Variants in TRMT44 observed in about 807,000 individuals in gnomAD.
TRMT44 encodes tRNA methyltransferase 44 homolog.
Under a neutral mutation model 77.3 loss-of-function variants are expected in TRMT44, and 78 were observed. That is an observed-to-expected ratio of 1.01 (90% CI 0.84 to 1.22). The LOEUF (loss-of-function observed/expected upper bound fraction) is 1.22, where lower values mean the gene tolerates loss of function less well. Ranked by LOEUF, TRMT44 falls within the 50% of genes most tolerant of loss-of-function variation. The probability of loss-of-function intolerance (pLI) is 0.00; values close to 1 mark genes in which losing one functional copy is unlikely to be tolerated. For missense variants in TRMT44, 1,090 were observed against 964.4 expected (o/e 1.13, Z -1.73); for synonymous variants, 391 against 383.3 (o/e 1.02, Z -0.23).
chr4:8,441,990 G>T (rs1724749354), intron 1 of TRMT44, among the ~76,000 whole-genome samples: 1 of 152,234 alleles, frequency 6.6e-6, no homozygotes, highest in East Asian at 1.9e-4. Flanking sequence ...CGGTTTAAAT[G>T]AATCTCCTTT....
intron 6 of TRMT44, among the ~76,000 whole-genome samples, chr4:8,462,886 A>C (rs542874343): frequency 3.9e-5 from 6 of 152,222 alleles, no homozygotes; most frequent in Non-Finnish European, 7.3e-5. Flanking sequence ...ATCTAGAATG[A>C]GTGGGAATCA....
At chr4:8,484,253 G>T (rs1046109660) in intron 2 of TRMT44, among the ~76,000 whole-genome samples, 1 of 152,162 alleles carries the variant, frequency 6.6e-6, no homozygotes, top group Admixed American at 6.5e-5. Context: ...GTCATGAGGG[G>T]CAGGTGTGGT....
In TRMT44 at chr4:8,476,104, C is replaced by T; in HGVS notation, c.*103C>T. ...GTCTCTGCTCTGGCTGTGTTTCAGC[C>T]CACCTCCTCCCAGCTTTCTCCACAT... On this transcript the variant is annotated 3_prime_UTR_variant, in exon 11 of 11. Coordinates refer to ENST00000389737, the MANE Select transcript of TRMT44 (RefSeq NM_152544.3). 1.0e-6 allele frequency: 1 copy of T among 1,004,706 alleles called. No homozygotes were observed. Among genetic ancestry groups the T allele is most frequent in the Non-Finnish European group, 1.5e-6 (1 of 676,038 alleles). The allele number at this position is 1,004,706 out of a possible 1,614,324, so 62.2% of individuals were successfully genotyped here.
intron 6 of TRMT44, among the ~76,000 whole-genome samples, chr4:8,463,084 T>G (rs1726272151): frequency 6.6e-6 from 1 of 152,226 alleles, no homozygotes; most frequent in African/African-American, 2.4e-5. Context: ...GTGTTATAGT[T>G]TTGCTGTTAG....
chr4:8,468,443 GTGACTACACACTT>G (rs1318464864), intron 9 of TRMT44, 97 bp downstream of exon 9: 105 of 1,257,642 alleles, frequency 8.3e-5, no homozygotes, highest in Non-Finnish European at 1.2e-4. Flanking sequence ...GTGTGGCCCT[GTGACTACACACTT>G]TGAAAAAGCC....
chr4:8,514,578 C>T, the TRMT44 span, among the ~76,000 whole-genome samples: 2 of 151,994 alleles, frequency 1.3e-5, no homozygotes, highest in Non-Finnish European at 2.9e-5. Context: ...CGTGCACTAC[C>T]TTTTACTCAA....
chr4:8,475,081 C>T (rs940628872), intron 10 of TRMT44, among the ~76,000 whole-genome samples: 9 of 152,218 alleles, frequency 5.9e-5, no homozygotes, highest in Non-Finnish European at 1.3e-4. Flanking sequence ...TGTTACTCCA[C>T]ACTTGCACCT....
At position 8,471,220 on chromosome 4, in the gene TRMT44, C is replaced by G; in HGVS notation, c.2044+20C>G. 1.4e-6 allele frequency: 2 copies of G among 1,476,496 alleles called. No individual in the cohort carries two copies. Among genetic ancestry groups the G allele is most frequent in the South Asian group, 1.2e-5 (1 of 81,292 alleles). 91.5% of individuals were successfully genotyped at this position (1,476,496 alleles called of 1,614,324 possible). A position where few individuals can be genotyped will look rare whatever the true frequency, so the allele number is the denominator to read the frequency against. On this transcript the variant is annotated intron_variant, in intron 10 of 10. Transcript: ENST00000389737. ...TCCAAGGTACGGAGTCCGCCTCTCC[C>G]CCGCCGTTCTTTCCTTCTTTTTCCC...
rs770799842 is a variant in TRMT44 at position 8,441,346 on chromosome 4, C to T, written c.524C>T (p.Ala175Val). Residue 175 changes from alanine (A) to valine (V), a missense_variant, in exon 1 of 11, where the codon GCG becomes GTG. Ala to Val is a moderately conservative substitution (Grantham distance 64). Coordinates refer to ENST00000389737, the MANE Select transcript of TRMT44 (RefSeq NM_152544.3). The stretch of plus-strand genomic sequence containing the variant: ...TCCGGGGCGGGATCGCAGCCAGAGG[C>T]GCAGCGTGAGCTCGACGTGGTTCTC... ...TSSGAGSQPEAQRELDVVLRT... is the reference protein window; with the variant it reads ...TSSGAGSQPEVQRELDVVLRT... 6.5e-7 allele frequency: 1 copy of T among 1,535,094 alleles called. No homozygotes were observed. The highest frequency in any genetic ancestry group is 8.7e-7 in the Non-Finnish European group (1 of 1,146,354).
At chr4:8,467,878 C>G (rs781100187) in intron 8 of TRMT44, 36 bp from the exon 9 acceptor site, 2 of 1,550,998 alleles carry the variant, frequency 1.3e-6, no homozygotes, top group Non-Finnish European at 1.7e-6. Context: ...ATAGACTAGC[C>G]AGCTAAAATA....
chr4:8,513,761 C>A, the TRMT44 span, among the ~76,000 whole-genome samples: 1 of 152,152 alleles, frequency 6.6e-6, no homozygotes, highest in East Asian at 1.9e-4. Flanking sequence ...ATATTCAGAT[C>A]ATCAATAAAC....
chr4:8,475,067 C>A (rs1165595652), intron 10 of TRMT44, among the ~76,000 whole-genome samples: 3 of 152,206 alleles, frequency 2.0e-5, no homozygotes, highest in African/African-American at 7.2e-5. Flanking sequence ...AGCTCATTGG[C>A]CTCTGTTACT....
At chr4:8,475,526 G>A (rs979880266) in intron 10 of TRMT44, among the ~76,000 whole-genome samples, 2 of 152,154 alleles carry the variant, frequency 1.3e-5, no homozygotes, top group Admixed American at 6.5e-5. Flanking sequence ...CTGGGTCTGC[G>A]CAGGGCTGCC....
chr4:8,480,483 G>A (rs577719960), downstream of TRMT44, among the ~76,000 whole-genome samples: 83 of 152,328 alleles, frequency 5.4e-4, no homozygotes, highest in Non-Finnish European at 1.0e-3. Context: ...ATGTTTGCCT[G>A]AGGCTGCTTC....
Position 8,465,452 on chromosome 4 carries a change from A to T in TRMT44, c.1385A>T (p.Gln462Leu), listed in dbSNP as rs1726471172. Residue 462 changes from glutamine (Q) to leucine (L), a missense_variant, in exon 8 of 11, where the codon CAG becomes CTG. Coordinates refer to ENST00000389737, the MANE Select transcript of TRMT44 (RefSeq NM_152544.3). Reference sequence around the variant, plus strand: ...TTCATTGGAAGATACTCCCGGAGGCAGAGTAAGAAGACTCAGTACCGGGAA... The same window carrying T: ...TTCATTGGAAGATACTCCCGGAGGCTGAGTAAGAAGACTCAGTACCGGGAA... ...FDFIGRYSRR[Q>L]SKKTQYREYL... The T allele has an allele frequency of 6.2e-7, 1 of 1,614,182 alleles. No individual in the cohort carries two copies. Among genetic ancestry groups the T allele is most frequent in the Non-Finnish European group, 8.5e-7 (1 of 1,180,008 alleles).
chr4:8,441,200 C>A lies in TRMT44; in HGVS notation c.378C>A (p.His126Gln). The change falls in exon 1 of 11, where the codon CAC (histidine) becomes CAA (glutamine). Residue 126 changes from histidine (H) to glutamine (Q), a missense_variant. Coordinates refer to ENST00000389737, the MANE Select transcript of TRMT44 (RefSeq NM_152544.3). The stretch of plus-strand genomic sequence containing the variant: ...CAGTGCCCCTGAGGGACTCCGGGCA[C>A]CCCGGCCATGCTGAAGGAAGGGAGG... ...AASVPLRDSGHPGHAEGREGD... is the reference protein window; with the variant it reads ...AASVPLRDSGQPGHAEGREGD... 6.5e-7 allele frequency: 1 copy of A among 1,534,878 alleles called. No individual in the cohort carries two copies. Among genetic ancestry groups the A allele is most frequent in the Non-Finnish European group, 8.7e-7 (1 of 1,146,164 alleles).
chr4:8,488,582 T>C (rs958427202), intron 2 of TRMT44, among the ~76,000 whole-genome samples: 1 of 152,200 alleles, frequency 6.6e-6, no homozygotes, highest in Non-Finnish European at 1.5e-5. Flanking sequence ...TGGTGGAATG[T>C]CATCAGTTAA....
the TRMT44 span, among the ~76,000 whole-genome samples, chr4:8,516,860 C>T: frequency 3.9e-5 from 6 of 152,262 alleles, no homozygotes; most frequent in Admixed American, 2.0e-4. Context: ...TTTCACCCAT[C>T]TTCTCATGAG....
At chr4:8,474,743 G>A (rs951731721) in intron 10 of TRMT44, among the ~76,000 whole-genome samples, 1 of 152,218 alleles carries the variant, frequency 6.6e-6, no homozygotes, top group South Asian at 2.1e-4. Context: ...CAGGAAGGAG[G>A]TGGTTGCTTT....
Sources: gnomAD v4.1 joint callset for allele counts (sites outside exome capture counted in the v4.1 genomes callset) on GRCh38, gnomAD v4.1.1 for gene constraint, MANE v1.5 for transcripts, NCBI Gene and HGNC (gene_info 2026-07-23, HGNC 2026-07-21) for gene names.